The following CCDC172 variants were observed in gnomAD, a reference collection of about 807,000 sequenced individuals.
CCDC172 encodes the protein coiled-coil domain containing 172.
A neutral mutation model predicts 38.0 loss-of-function variants in CCDC172; 30 were observed. That is an observed-to-expected ratio of 0.79 (90% CI 0.59 to 1.07). The LOEUF is 1.07. CCDC172 is among the 50% of genes least tolerant of loss of function. The probability of loss-of-function intolerance (pLI) is 0.00; values close to 1 mark genes in which losing one functional copy is unlikely to be tolerated. For synonymous variants in CCDC172, 78 were observed against 88.3 expected, an observed-to-expected ratio of 0.88 and a Z score of 0.66; for missense variants, 297 against 290.1, an observed-to-expected ratio of 1.02 and a Z score of -0.17.
chr10:116,368,053 A>G (rs1845144297), intron 7 of CCDC172, among the ~76,000 whole-genome samples: 1 of 152,096 alleles, frequency 6.6e-6, no homozygotes. Flanking sequence ...CAAGAATATT[A>G]TGTAAGTGAT....
At chr10:116,352,909 C>T (rs910165582) in intron 5 of CCDC172, among the ~76,000 whole-genome samples, 5 of 151,952 alleles carry the variant, frequency 3.3e-5, no homozygotes, top group African/African-American at 1.2e-4. Flanking sequence ...AGCTAATAAA[C>T]AAGGCCGGGC....
At chr10:116,343,513 TC>T (rs1844823653) in intron 5 of CCDC172, among the ~76,000 whole-genome samples, 1 of 79,360 alleles carries the variant, frequency 1.3e-5, no homozygotes, top group Non-Finnish European at 2.2e-5. Flanking sequence ...CTCTGATCAT[TC>T]GTTTTTTTTT....
At chr10:116,334,420 T>C (rs1034928191) in intron 3 of CCDC172, among the ~76,000 whole-genome samples, 8 of 152,324 alleles carry the variant, frequency 5.3e-5, no homozygotes, top group Admixed American at 4.6e-4. Flanking sequence ...GAAAATCACC[T>C]ATAATTCCAC....
At chr10:116,365,712 A>G (rs1845114830) in intron 7 of CCDC172, among the ~76,000 whole-genome samples, 1 of 152,196 alleles carries the variant, frequency 6.6e-6, no homozygotes, top group African/African-American at 2.4e-5. Context: ...ACTTCCATAT[A>G]CATATGTGCT....
intron 8 of CCDC172, 127 bp downstream of exon 8, chr10:116,378,637 A>T (rs1255236535): frequency 4.3e-6 from 3 of 703,320 alleles, no homozygotes; most frequent in Admixed American, 3.4e-5. Flanking sequence ...AAAAGCAATA[A>T]TGAAGATAAC....
At chr10:116,336,183 G>T (rs1021216401) in intron 3 of CCDC172, among the ~76,000 whole-genome samples, 4 of 148,450 alleles carry the variant, frequency 2.7e-5, no homozygotes, top group African/African-American at 7.4e-5. Context: ...CAACAAAAAT[G>T]TATATTTAAT....
At chr10:116,367,104 G>A (rs1367553856) in intron 7 of CCDC172, among the ~76,000 whole-genome samples, 1 of 151,922 alleles carries the variant, frequency 6.6e-6, no homozygotes, top group African/African-American at 2.4e-5. Flanking sequence ...AATTTTATGG[G>A]GTTTTGTTGT....
chr10:116,345,252 A>G (rs1282708505), intron 5 of CCDC172, among the ~76,000 whole-genome samples: 1 of 152,188 alleles, frequency 6.6e-6, no homozygotes, highest in East Asian at 1.9e-4. Context: ...GGGAAAAGGA[A>G]AGTATTTTCA....
intron 7 of CCDC172, among the ~76,000 whole-genome samples, chr10:116,376,112 T>G (rs976980076): frequency 2.0e-5 from 3 of 152,212 alleles, no homozygotes; most frequent in Non-Finnish European, 2.9e-5. Context: ...TAGCAAAGAC[T>G]TGGAACCATC....
intron 5 of CCDC172, among the ~76,000 whole-genome samples, chr10:116,343,734 G>A (rs1339544774): frequency 6.6e-6 from 1 of 152,038 alleles, no homozygotes; most frequent in Non-Finnish European, 1.5e-5. Flanking sequence ...TTAGGGAAAA[G>A]CCACAACTAC....
Position 116,340,727 on chromosome 10 carries a change from T to C in CCDC172, c.166-7T>C. 7.1e-7 allele frequency: 1 copy of C among 1,406,252 alleles called. No individual in the cohort carries two copies. The highest frequency in any genetic ancestry group is 1.0e-6 in the Non-Finnish European group (1 of 1,002,982). The allele number at this position is 1,406,252 out of a possible 1,614,324, so 87.1% of individuals were successfully genotyped here. A position where few individuals can be genotyped will look rare whatever the true frequency, so the allele number is the denominator to read the frequency against. On this transcript the variant is annotated splice_polypyrimidine_tract_variant and splice_region_variant and intron_variant, in intron 3 of 8. Coordinates refer to ENST00000333254, the MANE Select transcript of CCDC172 (RefSeq NM_198515.3). ...TTTATTCTGATTTCTGTTTTTGTAC[T>C]TTGAAGGTTCAACAGTTTTTTGAAA... is the stretch of plus-strand genomic sequence containing the variant.
At chr10:116,371,737 C>T (rs1223338662) in intron 7 of CCDC172, among the ~76,000 whole-genome samples, 1 of 151,862 alleles carries the variant, frequency 6.6e-6, no homozygotes, top group Non-Finnish European at 1.5e-5. Flanking sequence ...GAGAAATAGA[C>T]AAATTTGCAG....
chr10:116,342,466 T>A (rs552607892), intron 5 of CCDC172, among the ~76,000 whole-genome samples: 1 of 152,244 alleles, frequency 6.6e-6, no homozygotes, highest in African/African-American at 2.4e-5. Flanking sequence ...GTCTTGAAGA[T>A]ATAACAATAA....
chr10:116,365,819 G>C (rs768917920), intron 7 of CCDC172, among the ~76,000 whole-genome samples: 1 of 152,040 alleles, frequency 6.6e-6, no homozygotes, highest in Non-Finnish European at 1.5e-5. Flanking sequence ...TCTATGTTTA[G>C]ATACACACAT....
At chr10:116,338,849 T>C (rs1418233977) in intron 3 of CCDC172, among the ~76,000 whole-genome samples, 1 of 152,102 alleles carries the variant, frequency 6.6e-6, no homozygotes, top group Non-Finnish European at 1.5e-5. Context: ...TTTTTGAGTT[T>C]TGGGTTTGAC....
In CCDC172 at chr10:116,325,095, G is replaced by T. The variant is rs1211074996; in HGVS notation, c.79+5G>T. 3.7e-6 allele frequency: 6 copies of T among 1,613,734 alleles called. No individual in the cohort carries two copies. The East Asian group carries it at 1.3e-4, about 36-fold the overall frequency. On this transcript the variant is annotated splice_donor_5th_base_variant and intron_variant, in intron 2 of 8. Transcript: ENST00000333254. ...GTCGCCGTTTGATGCGAGAAGGTCG[G>T]GGTATTTCTGTCCTTTGCATGGGGC...
At chr10:116,336,965 A>G (rs1844740170) in intron 3 of CCDC172, among the ~76,000 whole-genome samples, 2 of 152,182 alleles carry the variant, frequency 1.3e-5, no homozygotes, top group Non-Finnish European at 2.9e-5. Context: ...TTGACCAGAT[A>G]AGTCAGCTCA....
At chr10:116,379,057 C>T (rs4350284) in intron 8 of CCDC172, among the ~76,000 whole-genome samples, 46,877 of 151,936 alleles carry the variant, frequency 0.31, 12,014 homozygotes, top group African/African-American at 0.68. Context: ...TGCCATACTA[C>T]ATTTTAGTGA....
At chr10:116,371,625 G>A (rs926893289) in intron 7 of CCDC172, among the ~76,000 whole-genome samples, 2 of 151,920 alleles carry the variant, frequency 1.3e-5, no homozygotes. Flanking sequence ...ATTATCTGGT[G>A]TCTCAAAGTA....
Sources: allele counts gnomAD v4.1 joint callset (sites outside exome capture counted in the v4.1 genomes callset), GRCh38; gene constraint gnomAD v4.1.1; transcripts MANE v1.5; gene names NCBI Gene and HGNC (gene_info 2026-07-23, HGNC 2026-07-21).